The following GRID2 variants were observed in gnomAD, a reference collection of about 807,000 sequenced individuals.
The protein encoded by GRID2 is glutamate receptor ionotropic, delta-2.
GRID2 carries 33 observed loss-of-function variants against 114.8 expected under a neutral mutation model. The ratio of observed to expected loss-of-function variants is 0.29; its 90% CI spans 0.22 to 0.38. The LOEUF (loss-of-function observed/expected upper bound fraction) is 0.38. Ranked by LOEUF, GRID2 falls within the 10% of genes least tolerant of loss-of-function variation. The pLI is 1.00. For synonymous variants in GRID2, 505 were observed against 449.9 expected (o/e 1.12, Z -1.55); for missense variants, 1,184 against 1,257.7 (o/e 0.94, Z 0.89).
chr4:93,657,085 T>TA (rs1178492724), intron 14 of GRID2, among the ~76,000 whole-genome samples: 1 of 152,056 alleles, frequency 6.6e-6, no homozygotes, highest in Non-Finnish European at 1.5e-5. Flanking sequence ...TCTGGCATTT[T>TA]AGTAACTCTA....
chr4:93,195,202 C>A (rs192200206), intron 4 of GRID2, among the ~76,000 whole-genome samples: 173 of 152,182 alleles, frequency 1.1e-3, no homozygotes, highest in African/African-American at 3.7e-3. Context: ...GTTACTGGTA[C>A]AGATACTGAG....
intron 2 of GRID2, among the ~76,000 whole-genome samples, chr4:92,923,100 A>G (rs1392169449): frequency 2.0e-5 from 3 of 152,226 alleles, no homozygotes; most frequent in African/African-American, 4.8e-5. Context: ...TCTACCATGC[A>G]TCATTTAAAC....
intron 2 of GRID2, among the ~76,000 whole-genome samples, chr4:92,874,971 T>C (rs1745515163): frequency 6.6e-6 from 1 of 152,114 alleles, no homozygotes; most frequent in Non-Finnish European, 1.5e-5. Context: ...AAACATTTGT[T>C]TTAGGCAGAA....
At chr4:92,764,882 C>G (rs1738186399) in intron 2 of GRID2, among the ~76,000 whole-genome samples, 1 of 152,186 alleles carries the variant, frequency 6.6e-6, no homozygotes, top group South Asian at 2.1e-4. Context: ...TAGTGCTGAA[C>G]TCTAGGAGAC....
chr4:92,329,993 AAGAGAGAGAG>A (rs3076580), intron 1 of GRID2, among the ~76,000 whole-genome samples: 8 of 132,580 alleles, frequency 6.0e-5, no homozygotes, highest in African/African-American at 1.7e-4. Flanking sequence ...TATGGGAGGA[AAGAGAGAGAG>A]AGAGAGAGAG....
intron 1 of GRID2, among the ~76,000 whole-genome samples, chr4:92,483,206 C>T (rs1325916885): frequency 6.6e-6 from 1 of 152,026 alleles, no homozygotes; most frequent in African/African-American, 2.4e-5. Context: ...GGCTGTAGTG[C>T]ACATGCCTGA....
chr4:93,186,708 T>C (rs1444633146), intron 4 of GRID2, among the ~76,000 whole-genome samples: 4 of 152,128 alleles, frequency 2.6e-5, no homozygotes, highest in Admixed American at 2.6e-4. Context: ...ATATACTAAG[T>C]TGCAAGATGA....
intron 2 of GRID2, among the ~76,000 whole-genome samples, chr4:92,929,004 G>T (rs560140025): frequency 6.6e-6 from 1 of 151,426 alleles, no homozygotes; most frequent in East Asian, 1.9e-4. Context: ...AGTAGGCATT[G>T]AATTCAACAT....
chr4:93,371,505 A>T (rs1424493317), intron 8 of GRID2, among the ~76,000 whole-genome samples: 3 of 152,078 alleles, frequency 2.0e-5, no homozygotes, highest in Admixed American at 2.0e-4. Flanking sequence ...TATCTAATGG[A>T]TGAAGGGAAG....
At chr4:92,496,484 G>T (rs1018330259) in intron 1 of GRID2, among the ~76,000 whole-genome samples, 2 of 151,882 alleles carry the variant, frequency 1.3e-5, no homozygotes, top group African/African-American at 4.8e-5. Context: ...ACAAGTAAAA[G>T]TTGGAAAATC....
intron 12 of GRID2, among the ~76,000 whole-genome samples, chr4:93,501,256 GCTCT>G (rs1202086065): frequency 6.6e-6 from 1 of 151,996 alleles, no homozygotes; most frequent in Non-Finnish European, 1.5e-5. Context: ...AAAATGGTAT[GCTCT>G]CTAAGTATCC....
intron 8 of GRID2, among the ~76,000 whole-genome samples, chr4:93,344,015 A>C (rs1316993781): frequency 6.6e-6 from 1 of 152,082 alleles, no homozygotes. Context: ...CTTTCAGAGC[A>C]GTAGCCATAA....
chr4:93,750,695 G>T (rs1409223720), intron 14 of GRID2, among the ~76,000 whole-genome samples: 1 of 152,090 alleles, frequency 6.6e-6, no homozygotes, highest in Non-Finnish European at 1.5e-5. Context: ...GGCAGAGCTT[G>T]CAGTGAGCTG....
At chr4:93,550,938 C>G (rs1021997361) in intron 13 of GRID2, among the ~76,000 whole-genome samples, 1 of 152,040 alleles carries the variant, frequency 6.6e-6, no homozygotes, top group African/African-American at 2.4e-5. Context: ...TATAGAATAA[C>G]GGTTAAGGAT....
At chr4:93,650,774 A>T (rs1399572247) in intron 14 of GRID2, among the ~76,000 whole-genome samples, 1 of 152,200 alleles carries the variant, frequency 6.6e-6, no homozygotes, top group Non-Finnish European at 1.5e-5. Context: ...TGAGAAAATT[A>T]ACCTGTTCAA....
At chr4:93,368,122 C>G (rs1762515582) in intron 8 of GRID2, among the ~76,000 whole-genome samples, 1 of 152,080 alleles carries the variant, frequency 6.6e-6, no homozygotes, top group Non-Finnish European at 1.5e-5. Flanking sequence ...ACAAAATTAA[C>G]TATCTCAGTA....
At chr4:93,041,606 C>G (rs1167224255) in intron 2 of GRID2, among the ~76,000 whole-genome samples, 1 of 152,052 alleles carries the variant, frequency 6.6e-6, no homozygotes, top group African/African-American at 2.4e-5. Context: ...ATGTGGGTCA[C>G]TATGTACAAA....
At chr4:93,137,017 T>C (rs1031475645) in intron 4 of GRID2, among the ~76,000 whole-genome samples, 1 of 152,210 alleles carries the variant, frequency 6.6e-6, no homozygotes, top group Admixed American at 6.5e-5. Context: ...CAAAAATTAA[T>C]ATAGAAGTGT....
chr4:93,053,698 T>G, intron 2 of GRID2, among the ~76,000 whole-genome samples: 1 of 151,922 alleles, frequency 6.6e-6, no homozygotes, highest in Non-Finnish European at 1.5e-5. Flanking sequence ...TGACTTGACC[T>G]CAAATAACGA....
Sources: gnomAD v4.1 joint callset for allele counts (sites outside exome capture counted in the v4.1 genomes callset) on GRCh38, gnomAD v4.1.1 for gene constraint, MANE v1.5 for transcripts, NCBI Gene and HGNC (gene_info 2026-07-23, HGNC 2026-07-21) for gene names.